ZNF786: variants seen among roughly 807,000 people sequenced by gnomAD.
ZNF786 encodes the protein zinc finger protein 786.
Under a neutral mutation model 63.1 loss-of-function variants are expected in ZNF786, and 56 were observed. The observed-to-expected ratio is 0.89, with a 90% CI of 0.72 to 1.11. ZNF786 has a LOEUF of 1.11. ZNF786 is among the 50% of genes least tolerant of loss of function. The pLI is 0.00. For synonymous variants in ZNF786, 485 were observed against 406.9 expected (o/e 1.19, Z -2.31); for missense variants, 1,213 against 1,041.8 (o/e 1.16, Z -2.26).
At position 149,070,869 on chromosome 7, in the gene ZNF786, C is replaced by T. The variant is rs776755256; in HGVS notation, c.1903G>A (p.Asp635Asn). Reference sequence around the variant, plus strand: ...TGCAGCAGCTGGTGGGCCTTCATGTCGGCCTTCACGCGATAGCGCTTGTCG... The same window carrying T: ...TGCAGCAGCTGGTGGGCCTTCATGTTGGCCTTCACGCGATAGCGCTTGTCG... ...ECDKRYRVKA[D>N]MKAHQLLHSG... The change falls in exon 4 of 4, where the codon GAC becomes AAC. Residue 635 changes from aspartate (D) to asparagine (N), a missense_variant. Physicochemically the swap from Asp to Asn is conservative, Grantham distance 23 (BLOSUM62 1). Coordinates refer to ENST00000491431, the MANE Select transcript of ZNF786 (RefSeq NM_152411.4). 21 of 1,609,402 alleles carry T rather than the reference C, an allele frequency of 1.3e-5. No individual in the cohort carries two copies. Among genetic ancestry groups the T allele is most frequent in the African/African-American group, 1.4e-5 (1 of 73,284 alleles).
Position 149,080,592 on chromosome 7 carries a change from TAG to T in ZNF786, c.142_143del (p.Leu48ArgfsTer2), listed in dbSNP as rs2129516334. On this transcript the variant is annotated frameshift_variant and splice_region_variant, in exon 2 of 4. Coordinates refer to ENST00000491431, the MANE Select transcript of ZNF786 (RefSeq NM_152411.4). LOFTEE classifies it high-confidence loss of function. ...MRSNYETLVS[L>X]DDGLPKPELI... Reference sequence around the variant, plus strand: ...CCCACAAAGGTGAACAGGTCTTACCTAGAGAGACGAGAGTCTCATAATTGCTT... The same window carrying T: ...CCCACAAAGGTGAACAGGTCTTACCTAGAGACGAGAGTCTCATAATTGCTT... The T allele has an allele frequency of 1.2e-6, 2 of 1,606,172 alleles. No individual in the cohort carries two copies. Among genetic ancestry groups the T allele is most frequent in the Middle Eastern group, 1.7e-4 (1 of 6,030 alleles).
chr7:149,071,581 G>C lies in ZNF786; in HGVS notation c.1191C>G (p.Phe397Leu), dbSNP rs200421697. ...AGCGCTTGGTGCAATGCGCACACTG[G>C]AAGGGCTTTTCTCCAGTATGCGCCC... Reference protein sequence around the residue: ...PCRAHTGEKPFQCAHCTKRFR... With the variant: ...PCRAHTGEKPLQCAHCTKRFR... The change falls in exon 4 of 4, where the codon TTC (phenylalanine) becomes TTG (leucine). Residue 397 changes from phenylalanine to leucine, a missense_variant. By Grantham distance (22) the Phe-to-Leu change is conservative (BLOSUM62 0). Coordinates refer to ENST00000491431, the MANE Select transcript of ZNF786 (RefSeq NM_152411.4). The C allele has an allele frequency of 6.8e-6, 11 of 1,610,820 alleles. No homozygotes were observed. In the Admixed American group the frequency reaches 1.0e-4, roughly 15 times the overall value.
chr7:149,079,101 C>T (rs1563138867), intron 2 of ZNF786, among the ~76,000 whole-genome samples: 1 of 152,140 alleles, frequency 6.6e-6, no homozygotes, highest in Non-Finnish European at 1.5e-5. Flanking sequence ...ACGTGGTTAA[C>T]TGAATGTGGA....
Position 149,070,931 on chromosome 7 carries a change from A to C in ZNF786, c.1841T>G (p.Leu614Arg), listed in dbSNP as rs1825397441. ...LKGQLLSHQR[L>R]HTGERPFQCP... ...CTGGAAGGGCCTCTCTCCCGTGTGC[A>C]GGCGCTGATGGCTGAGCAGCTGCCC... The change falls in exon 4 of 4, where the codon CTG becomes CGG. Residue 614 changes from leucine (L) to arginine (R), a missense_variant. Coordinates refer to ENST00000491431, the MANE Select transcript of ZNF786 (RefSeq NM_152411.4). 6.2e-7 allele frequency: 1 copy of C among 1,613,392 alleles called. No individual in the cohort carries two copies. Among genetic ancestry groups the C allele is most frequent in the Non-Finnish European group, 8.5e-7 (1 of 1,179,938 alleles).
At position 149,072,158 on chromosome 7, in the gene ZNF786, T is replaced by A; in HGVS notation, c.614A>T (p.His205Leu). The A allele has an allele frequency of 6.2e-7, 1 of 1,613,166 alleles. No homozygotes were observed. The highest frequency in any genetic ancestry group is 8.5e-7 in the Non-Finnish European group (1 of 1,179,696). The change falls in exon 4 of 4, where the codon CAC (histidine) becomes CTC (leucine). Residue 205 changes from histidine to leucine, a missense_variant. By Grantham distance (99) the His-to-Leu change is moderately conservative. Coordinates refer to ENST00000491431, the MANE Select transcript of ZNF786 (RefSeq NM_152411.4). ...CCGGTCCTTTGAGTGGCCTCTCTGG[T>A]GCATTACTAAATGGTTGTTCTCCCA... ...SCWENNHLVMHQRGHSKDRTR... is the reference protein window; with the variant it reads ...SCWENNHLVMLQRGHSKDRTR...
intron 2 of ZNF786, among the ~76,000 whole-genome samples, chr7:149,075,058 T>G (rs533749952): frequency 6.6e-6 from 1 of 151,932 alleles, no homozygotes; most frequent in East Asian, 2.0e-4. Context: ...CAAATTCCTG[T>G]GCTCAAGCAG....
rs188422480 is a variant in ZNF786, at chr7:149,078,206, G to A, written c.145+2385C>T. Among the ~76,000 whole-genome samples the A allele has an allele frequency of 1.7e-3, 256 of 152,156 alleles. 1 individual carries two copies. Among genetic ancestry groups the A allele is most frequent in the African/African-American group, 5.7e-3 (236 of 41,538 alleles). Reference sequence around the variant, plus strand: ...GAACAACTGATAAGAATGAAAAAAAGAGAATCCATTTGATCTTGATGCTTG... The same window carrying A: ...GAACAACTGATAAGAATGAAAAAAAAAGAATCCATTTGATCTTGATGCTTG... On this transcript the variant is annotated intron_variant, in intron 2 of 3. Coordinates refer to ENST00000491431, the MANE Select transcript of ZNF786 (RefSeq NM_152411.4).
At chr7:149,086,628 A>T (rs1056421684) in intron 1 of ZNF786, among the ~76,000 whole-genome samples, 13 of 138,898 alleles carry the variant, frequency 9.4e-5, no homozygotes, top group South Asian at 4.5e-4. Context: ...ACTCTGTCTC[A>T]CACACACACA....
chr7:149,086,501 G>C (rs867173968), intron 1 of ZNF786, among the ~76,000 whole-genome samples: 1 of 152,096 alleles, frequency 6.6e-6, no homozygotes, highest in African/African-American at 2.4e-5. Flanking sequence ...GGTGGCAGGG[G>C]CCTGTAATCC....
chr7:149,078,953 T>A (rs1825609032), intron 2 of ZNF786, among the ~76,000 whole-genome samples: 3 of 152,226 alleles, frequency 2.0e-5, no homozygotes, highest in Admixed American at 2.0e-4. Context: ...AGAGGGATTG[T>A]ATAAGTGAAC....
chr7:149,071,332 G>A lies in ZNF786; in HGVS notation c.1440C>T (p.Pro480=), dbSNP rs567715538. ...TCAGCCCACACTCTGGGCACTGAAA[G>A]GGCTTCTCGTCCGTGTGCAGCCGCT... is the stretch of plus-strand genomic sequence containing the variant. ...RHQRLHTDEK[P]FQCPECGLSF... Residue 480 remains proline (P), a synonymous_variant, in exon 4 of 4, where the codon CCC becomes CCT. Coordinates refer to ENST00000491431, the MANE Select transcript of ZNF786 (RefSeq NM_152411.4). The A allele has an allele frequency of 6.2e-6, 10 of 1,613,284 alleles. No individual in the cohort carries two copies. Among genetic ancestry groups the A allele is most frequent in the Non-Finnish European group, 8.5e-6 (10 of 1,179,832 alleles).
In ZNF786 at chr7:149,071,898, C is replaced by A. The variant is rs758279077; in HGVS notation, c.874G>T (p.Gly292Trp). Reference sequence around the variant, plus strand: ...GGGGTGCACTGGGCAGGCTTCTCCCCCTGCTGCGGGAGGCGGTGGCTGGGA... The same window carrying A: ...GGGGTGCACTGGGCAGGCTTCTCCCACTGCTGCGGGAGGCGGTGGCTGGGA... The part of the protein sequence containing the change: ...THPSHRLPQQ[G>W]EKPAQCTPCG... The change falls in exon 4 of 4, where the codon GGG becomes TGG. Residue 292 changes from glycine to tryptophan, a missense_variant. Physicochemically the swap from Gly to Trp is radical, Grantham distance 184 (BLOSUM62 -2). Transcript: ENST00000491431. 3 of 1,604,310 alleles carry A rather than the reference C, an allele frequency of 1.9e-6. No homozygotes were observed. The highest frequency in any genetic ancestry group is 2.2e-5 in the East Asian group (1 of 44,762).
intron 1 of ZNF786, among the ~76,000 whole-genome samples, chr7:149,088,353 C>T (rs957348229): frequency 5.9e-5 from 9 of 152,258 alleles, no homozygotes; most frequent in African/African-American, 2.2e-4. Context: ...TAATTTATTA[C>T]TCATTAAAGT....
At chr7:149,074,239 T>A in intron 3 of ZNF786, 147 bp downstream of exon 3, 1 of 953,240 alleles carries the variant, frequency 1.0e-6, no homozygotes, top group East Asian at 2.7e-5. Context: ...AGAACCCACA[T>A]TCCTAACCAT....
At chr7:149,080,846 G>A in intron 1 of ZNF786, 129 bp from the exon 2 acceptor site, 1 of 1,057,746 alleles carries the variant, frequency 9.5e-7, no homozygotes, top group Non-Finnish European at 1.4e-6. Flanking sequence ...CTTCTTCCTG[G>A]AGAACTACTC....
chr7:149,076,698 AAGAG>A (rs1432415095), intron 2 of ZNF786, among the ~76,000 whole-genome samples: 1 of 145,138 alleles, frequency 6.9e-6, no homozygotes, highest in Non-Finnish European at 1.5e-5. Flanking sequence ...CAGCCTGGGC[AAGAG>A]AGAGAGACTC....
At chr7:149,081,914 T>C (rs1304535996) in intron 1 of ZNF786, among the ~76,000 whole-genome samples, 2 of 152,064 alleles carry the variant, frequency 1.3e-5, no homozygotes, top group Non-Finnish European at 2.9e-5. Context: ...AAGTCTCAGG[T>C]AACAAAATTA....
At chr7:149,084,494 CT>C (rs1380840715) in intron 1 of ZNF786, among the ~76,000 whole-genome samples, 3 of 151,796 alleles carry the variant, frequency 2.0e-5, no homozygotes, top group Admixed American at 6.6e-5. Context: ...TTGTTTTTAA[CT>C]TTTTAATAGC....
At chr7:149,088,987 TG>T (rs1825784639) in intron 1 of ZNF786, among the ~76,000 whole-genome samples, 1 of 149,878 alleles carries the variant, frequency 6.7e-6, no homozygotes, top group African/African-American at 2.4e-5. Context: ...GACAGAGTCT[TG>T]CTCTGTCGCC....
Sources: allele counts gnomAD v4.1 joint callset (sites outside exome capture counted in the v4.1 genomes callset), GRCh38; gene constraint gnomAD v4.1.1; transcripts MANE v1.5; gene names NCBI Gene and HGNC (gene_info 2026-07-23, HGNC 2026-07-21).